NIM1K: variants seen among roughly 807,000 people sequenced by gnomAD.
NIM1K encodes the protein NIM1 serine/threonine protein kinase, also known as serine/threonine-protein kinase NIM1.
Under a neutral mutation model 37.1 loss-of-function variants are expected in NIM1K, and 35 were observed. That is an observed-to-expected ratio of 0.94 (90% CI 0.72 to 1.25). The LOEUF is 1.25. Ranked by LOEUF, NIM1K falls within the 50% of genes most tolerant of loss-of-function variation. The pLI is 0.00. For synonymous variants in NIM1K, 234 were observed against 206.6 expected (o/e 1.13, Z -1.14); for missense variants, 564 against 548.0 (o/e 1.03, Z -0.29).
Position 43,280,030 on chromosome 5 carries a change from T to C in NIM1K, c.612T>C (p.Tyr204=), listed in dbSNP as rs746913889. The change falls in exon 4 of 4, where the codon TAT becomes TAC. Residue 204 remains tyrosine, a synonymous_variant. Coordinates refer to ENST00000326035, the MANE Select transcript of NIM1K (RefSeq NM_153361.4). ...HRDLKAENVF[Y]TSNTCVKVGD... ...ATCTGAAAGCAGAAAATGTATTCTATACCAGTAATACTTGTGTGAAGGTGG... is the reference window on the plus strand; with the variant it reads ...ATCTGAAAGCAGAAAATGTATTCTACACCAGTAATACTTGTGTGAAGGTGG... 4 of 1,614,008 alleles carry C rather than the reference T, an allele frequency of 2.5e-6. No homozygotes were observed. The highest frequency in any genetic ancestry group is 3.4e-6 in the Non-Finnish European group (4 of 1,179,832).
intron 2 of NIM1K, among the ~76,000 whole-genome samples, chr5:43,253,181 GTAATATATAATA>G (rs1188535880): frequency 4.3e-5 from 6 of 138,494 alleles, no homozygotes; most frequent in African/African-American, 1.6e-4. Context: ...AATATATAAT[GTAATATATAATA>G]TAATATATAA....
intron 1 of NIM1K, chr5:43,193,312 C>T (rs1325489508): frequency 6.6e-6 from 1 of 151,200 alleles, no homozygotes; most frequent in Non-Finnish European, 1.5e-5. Flanking sequence ...CCCTCTTCTC[C>T]CTCCCTCCTT....
chr5:43,260,684 A>G (rs1753013926), intron 2 of NIM1K, among the ~76,000 whole-genome samples: 1 of 152,148 alleles, frequency 6.6e-6, no homozygotes, highest in Admixed American at 6.5e-5. Context: ...ATATGTATAC[A>G]TGTGCCATAT....
At chr5:43,244,463 G>T (rs1327044267) in intron 1 of NIM1K, among the ~76,000 whole-genome samples, 3 of 152,168 alleles carry the variant, frequency 2.0e-5, no homozygotes, top group African/African-American at 7.2e-5. Flanking sequence ...ACATCCCGAT[G>T]ACATCGTAGG....
rs1752756592 is a variant in NIM1K, at chr5:43,245,139, A to T, written c.-637A>T. On this transcript the variant is annotated 5_prime_UTR_variant, in exon 2 of 4. Coordinates refer to ENST00000326035, the MANE Select transcript of NIM1K (RefSeq NM_153361.4). ...GGCTTAGAGGAAGGTTCATCTAAAT[A>T]AAGGCCGGCTAAAGTGACATTGCAG... 6.6e-6 allele frequency: 1 copy of T among 152,254 alleles called. No individual in the cohort carries two copies. The highest frequency in any genetic ancestry group is 1.5e-5 in the Non-Finnish European group (1 of 68,046). 9.4% of individuals were successfully genotyped at this position (152,254 alleles called of 1,614,324 possible). A position where few individuals can be genotyped will look rare whatever the true frequency, so the allele number is the denominator to read the frequency against.
intron 1 of NIM1K, among the ~76,000 whole-genome samples, chr5:43,195,216 T>A (rs1002514628): frequency 7.2e-4 from 110 of 152,354 alleles, no homozygotes; most frequent in African/African-American, 2.6e-3. Flanking sequence ...TTCAAATTGC[T>A]TATGAAGATA....
rs773368333 is a variant in NIM1K at position 43,277,301 on chromosome 5, G to T, written c.537G>T (p.Gln179His). The T allele has an allele frequency of 9.9e-6, 16 of 1,614,072 alleles. No homozygotes were observed. The South Asian group carries it at 1.6e-4, about 17-fold the overall frequency. ...CAGAAAGCAAGCTCATCTTCTCCCA[G>T]ATTGTGTCTGCCGTGAAGCACATGG... ...SEPESKLIFS[Q>H]IVSAVKHMHE... Residue 179 changes from glutamine (Q) to histidine (H), a missense_variant, in exon 3 of 4, where the codon CAG (glutamine) becomes CAT (histidine). Gln to His is a conservative substitution (Grantham distance 24). Transcript: ENST00000326035.
intron 2 of NIM1K, among the ~76,000 whole-genome samples, chr5:43,269,750 C>T (rs1561094003): frequency 6.6e-6 from 1 of 151,896 alleles, no homozygotes. Context: ...TCCCGAGTAG[C>T]TGGGACTACA....
chr5:43,214,052 A>C (rs1579959747), intron 1 of NIM1K, among the ~76,000 whole-genome samples: 1 of 138,994 alleles, frequency 7.2e-6, no homozygotes, highest in African/African-American at 2.7e-5. Context: ...CAATCCTCCC[A>C]CCTCGGCCTC....
chr5:43,217,108 C>T (rs1487645642), intron 1 of NIM1K, among the ~76,000 whole-genome samples: 2 of 152,190 alleles, frequency 1.3e-5, no homozygotes, highest in Non-Finnish European at 2.9e-5. Flanking sequence ...AGAAACCCTG[C>T]TTTGCTTAGC....
chr5:43,229,220 A>T (rs1321296779), intron 1 of NIM1K, among the ~76,000 whole-genome samples: 2 of 152,018 alleles, frequency 1.3e-5, no homozygotes, highest in African/African-American at 4.8e-5. Flanking sequence ...CCCCGTCTCT[A>T]CTAAAAATAC....
intron 2 of NIM1K, among the ~76,000 whole-genome samples, chr5:43,271,666 G>A (rs1489759149): frequency 2.6e-5 from 4 of 152,098 alleles, no homozygotes; most frequent in Non-Finnish European, 5.9e-5. Context: ...ATCTTATTAA[G>A]ATTTTCCCAG....
At chr5:43,259,886 C>T (rs1161742709) in intron 2 of NIM1K, among the ~76,000 whole-genome samples, 3 of 151,700 alleles carry the variant, frequency 2.0e-5, no homozygotes, top group Admixed American at 6.6e-5. Context: ...AGAGTTTTTC[C>T]TGTTTTCTTC....
At chr5:43,240,471 C>A (rs1262115293) in intron 1 of NIM1K, 1 of 151,790 alleles carries the variant, frequency 6.6e-6, no homozygotes, top group Non-Finnish European at 1.5e-5. Flanking sequence ...CCACTCCATT[C>A]CCCTGTCCAA....
intron 2 of NIM1K, among the ~76,000 whole-genome samples, chr5:43,275,487 G>T (rs985226138): frequency 6.6e-6 from 1 of 152,176 alleles, no homozygotes; most frequent in African/African-American, 2.4e-5. Flanking sequence ...TAATACCAAA[G>T]TGCAATCCAG....
At chr5:43,228,639 A>G (rs543706177) in intron 1 of NIM1K, among the ~76,000 whole-genome samples, 4 of 151,318 alleles carry the variant, frequency 2.6e-5, no homozygotes, top group Admixed American at 2.0e-4. Context: ...AGCCTGGCCA[A>G]CATGGCAAAA....
chr5:43,259,306 TCA>T (rs1752993932), intron 2 of NIM1K, among the ~76,000 whole-genome samples: 1 of 152,218 alleles, frequency 6.6e-6, no homozygotes, highest in African/African-American at 2.4e-5. Context: ...AGATCTACTC[TCA>T]GATTTAGATT....
Position 43,280,424 on chromosome 5 carries a change from C to A in NIM1K, c.1006C>A (p.Pro336Thr), listed in dbSNP as rs201804375. 2 of 1,614,150 alleles carry A rather than the reference C, an allele frequency of 1.2e-6. No individual in the cohort carries two copies. The highest frequency in any genetic ancestry group is 2.2e-5 in the East Asian group (1 of 44,880). The change falls in exon 4 of 4, where the codon CCT becomes ACT. Residue 336 changes from proline (P) to threonine (T), a missense_variant. By Grantham distance (38) the Pro-to-Thr change is conservative (BLOSUM62 -1). Transcript: ENST00000326035. ...GGTGCCATACCCTACACCTTTGGAA[C>A]CTTTCCAACTGGATCCCAAACATTT... ...QGVPYPTPLE[P>T]FQLDPKHLSE...
chr5:43,251,199 G>A (rs1271992316), intron 2 of NIM1K, among the ~76,000 whole-genome samples: 4 of 152,076 alleles, frequency 2.6e-5, no homozygotes, highest in Non-Finnish European at 5.9e-5. Flanking sequence ...AGAAGGTGAT[G>A]GTAAAAATAA....
Sources: gnomAD v4.1 joint callset for allele counts (sites outside exome capture counted in the v4.1 genomes callset) on GRCh38, gnomAD v4.1.1 for gene constraint, MANE v1.5 for transcripts, NCBI Gene and HGNC (gene_info 2026-07-23, HGNC 2026-07-21) for gene names.